Variants in SYPL1 observed in about 807,000 individuals in gnomAD.
SYPL1 encodes the protein synaptophysin like 1.
SYPL1 carries 6 observed loss-of-function variants against 23.7 expected under a neutral mutation model. That is an observed-to-expected ratio of 0.25 (90% confidence interval 0.14 to 0.50). The LOEUF is 0.50. Among genes scored for constraint, SYPL1 ranks in the 20% least tolerant of loss-of-function variants. SYPL1 has a pLI of 0.98. For missense variants in SYPL1, 253 were observed against 288.9 expected (o/e 0.88, Z 0.90); for synonymous variants, 102 against 104.5 (o/e 0.98, Z 0.15).
rs1329163068 is a variant in SYPL1, at chr7:106,104,198, A to T, written c.70-4916T>A. 1.3e-5 allele frequency among the ~76,000 whole-genome samples: 2 copies of T among 152,166 alleles called. No homozygotes were observed. Among genetic ancestry groups the T allele is most frequent in the Non-Finnish European group, 2.9e-5 (2 of 68,038 alleles). On this transcript the variant is annotated intron_variant, in intron 1 of 4. Transcript: ENST00000455385. This position sits in a 1 kb window ranked among gnomAD's most constrained non-coding sequence, Gnocchi z 4.1. ...TTGAGCTATCATAGACATTAACTCT[A>T]TTATATATGAACTCTACTATAGGCA...
chr7:106,102,481 C>T (rs1840380550), intron 1 of SYPL1, among the ~76,000 whole-genome samples: 1 of 152,164 alleles, frequency 6.6e-6, no homozygotes, highest in South Asian at 2.1e-4. Context: ...TGGGAGGATA[C>T]TCAGGCAACT....
Position 106,109,931 on chromosome 7 carries a change from G to C in SYPL1, c.69+2209C>G, listed in dbSNP as rs1032530283. Among the ~76,000 whole-genome samples the C allele has an allele frequency of 6.6e-6, 1 of 152,086 alleles. No individual in the cohort carries two copies. The highest frequency in any genetic ancestry group is 2.4e-5 in the African/African-American group (1 of 41,400). Reference sequence around the variant, plus strand: ...GAAATTTTCATTTTGTCGGCAGTTAGAGGGATGGATTGGAAAGGTCAGAAT... The same window carrying C: ...GAAATTTTCATTTTGTCGGCAGTTACAGGGATGGATTGGAAAGGTCAGAAT... On this transcript the variant is annotated intron_variant, in intron 1 of 4. Transcript: ENST00000455385. The surrounding 1 kb of genome is among the most constrained non-coding windows in gnomAD (Gnocchi z 4.3).
chr7:106,092,920 G>T (rs749782566), intron 4 of SYPL1, 29 bp downstream of exon 4: 13 of 1,484,890 alleles, frequency 8.8e-6, no homozygotes, highest in Middle Eastern at 1.8e-4. Context: ...ATATATGAAA[G>T]AAAAAAATTA....
In SYPL1 at chr7:106,097,911, T is replaced by A; in HGVS notation, c.195-14A>T. 2.5e-6 allele frequency: 4 copies of A among 1,601,426 alleles called. No homozygotes were observed. The highest frequency in any genetic ancestry group is 3.4e-6 in the Non-Finnish European group (4 of 1,171,148). Reference sequence around the variant, plus strand: ...GCCTCATTCAACCTATTAAAATAAATGTATGAATTATTGGACTTTCCCAAC... The same window carrying A: ...GCCTCATTCAACCTATTAAAATAAAAGTATGAATTATTGGACTTTCCCAAC... On this transcript the variant is annotated splice_polypyrimidine_tract_variant and intron_variant, in intron 2 of 4. Coordinates refer to ENST00000455385, the MANE Select transcript of SYPL1 (RefSeq NM_182715.4). This position sits in a 1 kb window ranked among gnomAD's most constrained non-coding sequence, Gnocchi z 4.6.
At chr7:106,112,069 G>A (rs1790186044) in intron 1 of SYPL1, 71 bp downstream of exon 1, 4 of 1,276,306 alleles carry the variant, frequency 3.1e-6, no homozygotes, top group East Asian at 3.5e-5. Flanking sequence ...CCGGCTCGCA[G>A]GTCCCCGTCT....
rs2116095594 is a variant in SYPL1 at position 106,096,046 on chromosome 7, G to A, written c.402+1644C>T. On this transcript the variant is annotated intron_variant, in intron 3 of 4. Coordinates refer to ENST00000455385, the MANE Select transcript of SYPL1 (RefSeq NM_182715.4). The surrounding 1 kb of genome is among the most constrained non-coding windows in gnomAD (Gnocchi z 4.4). ...GCAAGAAATAGCTTCTAGTTATAAA[G>A]AATTTTAACAAAATATAATTATCTA... Among the ~76,000 whole-genome samples, 1 of 152,246 alleles carries A rather than the reference G, an allele frequency of 6.6e-6. No individual in the cohort carries two copies.
At position 106,104,001 on chromosome 7, in the gene SYPL1, C is replaced by T. The variant is rs901244450; in HGVS notation, c.70-4719G>A. Among the ~76,000 whole-genome samples the T allele has an allele frequency of 2.2e-4, 33 of 152,226 alleles. No homozygotes were observed. Among genetic ancestry groups the T allele is most frequent in the African/African-American group, 7.7e-4 (32 of 41,440 alleles). On this transcript the variant is annotated intron_variant, in intron 1 of 4. Coordinates refer to ENST00000455385, the MANE Select transcript of SYPL1 (RefSeq NM_182715.4). This position sits in a 1 kb window ranked among gnomAD's most constrained non-coding sequence, Gnocchi z 4.1. Reference sequence around the variant, plus strand: ...GATAGATTTATCTGCAGTCTATTCACTGCCAGGTACTGTATGATTCTGTCA... The same window carrying T: ...GATAGATTTATCTGCAGTCTATTCATTGCCAGGTACTGTATGATTCTGTCA...
In SYPL1 at chr7:106,096,905, C is replaced by T. The variant is rs189622324; in HGVS notation, c.402+785G>A. On this transcript the variant is annotated intron_variant, in intron 3 of 4. Coordinates refer to ENST00000455385, the MANE Select transcript of SYPL1 (RefSeq NM_182715.4). This position sits in a 1 kb window ranked among gnomAD's most constrained non-coding sequence, Gnocchi z 4.4. ...GTAAATGATTGTGTATGGCTGAGTT[C>T]CAAAAAAAACCTTTATTTAAAAAAA... is the stretch of plus-strand genomic sequence containing the variant. Among the ~76,000 whole-genome samples, 1 of 152,160 alleles carries T rather than the reference C, an allele frequency of 6.6e-6. No homozygotes were observed. Among genetic ancestry groups the T allele is most frequent in the Non-Finnish European group, 1.5e-5 (1 of 67,988 alleles).
intron 4 of SYPL1, 116 bp from the exon 5 acceptor site, chr7:106,092,055 A>T: frequency 9.8e-7 from 1 of 1,019,682 alleles, no homozygotes; most frequent in Admixed American, 2.9e-5. Context: ...GTACGCCATT[A>T]TTTCACTTAA....
rs1839986560 is a variant in SYPL1, at chr7:106,095,730, A to G, written c.402+1960T>C. 6.6e-6 allele frequency among the ~76,000 whole-genome samples: 1 copy of G among 152,238 alleles called. No individual in the cohort carries two copies. Among genetic ancestry groups the G allele is most frequent in the Non-Finnish European group, 1.5e-5 (1 of 68,048 alleles). On this transcript the variant is annotated intron_variant, in intron 3 of 4. Transcript: ENST00000455385. The surrounding 1 kb of genome is among the most constrained non-coding windows in gnomAD (Gnocchi z 4.3). ...AATTAAATTTAGAAGCTAGACTTTT[A>G]TAGACAAGAAGCACCCATTATGTAA...
rs896196461 is a variant in SYPL1, at chr7:106,095,737, A to G, written c.402+1953T>C. ...TTTAGAAGCTAGACTTTTATAGACA[A>G]GAAGCACCCATTATGTAACAATAAA... On this transcript the variant is annotated intron_variant, in intron 3 of 4. Coordinates refer to ENST00000455385, the MANE Select transcript of SYPL1 (RefSeq NM_182715.4). This position sits in a 1 kb window ranked among gnomAD's most constrained non-coding sequence, Gnocchi z 4.3. 2.0e-5 allele frequency among the ~76,000 whole-genome samples: 3 copies of G among 152,348 alleles called. No homozygotes were observed. Among genetic ancestry groups the G allele is most frequent in the Non-Finnish European group, 2.9e-5 (2 of 68,036 alleles).
chr7:106,111,604 G>A (rs894803960), intron 1 of SYPL1, among the ~76,000 whole-genome samples: 1 of 152,218 alleles, frequency 6.6e-6, no homozygotes, highest in Non-Finnish European at 1.5e-5. Context: ...CTGGCCCACA[G>A]TTTATTTTTT....
At chr7:106,099,311 AAG>A in intron 1 of SYPL1, 29 bp from the exon 2 acceptor site, 1 of 1,589,684 alleles carries the variant, frequency 6.3e-7, no homozygotes, top group South Asian at 1.2e-5. Flanking sequence ...AAAAAGACAA[AAG>A]AAAAAAAAGA....
chr7:106,112,513 T>C (rs536071079), upstream of SYPL1: 108 of 1,524,124 alleles, frequency 7.1e-5, no homozygotes, highest in South Asian at 1.1e-3. Flanking sequence ...GCGAACCAAG[T>C]AGATGTTGGG....
chr7:106,098,078 T>C (rs1322568174), intron 2 of SYPL1, among the ~76,000 whole-genome samples, 181 bp from the exon 3 acceptor site: 6 of 152,244 alleles, frequency 3.9e-5, no homozygotes, highest in Non-Finnish European at 1.5e-5. Context: ...TAAATGTATA[T>C]GTTATACCTG....
chr7:106,112,339 G>GC, upstream of SYPL1: 1 of 1,254,462 alleles, frequency 8.0e-7, no homozygotes, highest in Non-Finnish European at 1.0e-6. Context: ...GGCGGGCCCG[G>GC]GCGGCCGTGG....
rs544449714 is a variant in SYPL1 at position 106,100,793 on chromosome 7, A to C, written c.70-1511T>G. ...GCCAAGACAATCTTTTAAAAATGTA[A>C]GGCAGAAAATGTTATCCTTTGCTCA... On this transcript the variant is annotated intron_variant, in intron 1 of 4. Transcript: ENST00000455385. The surrounding 1 kb of genome is among the most constrained non-coding windows in gnomAD (Gnocchi z 5.1). 3.3e-5 allele frequency among the ~76,000 whole-genome samples: 5 copies of C among 152,302 alleles called. No homozygotes were observed. The highest frequency in any genetic ancestry group is 9.6e-5 in the African/African-American group (4 of 41,570).
intron 3 of SYPL1, among the ~76,000 whole-genome samples, chr7:106,094,891 A>C (rs564072870): frequency 6.6e-6 from 1 of 152,090 alleles, no homozygotes; most frequent in African/African-American, 2.4e-5. Context: ...ACCTAGGTTG[A>C]AGGAACGTGG....
chr7:106,091,673 C>G lies in SYPL1; in HGVS notation c.*132G>C, dbSNP rs1003063267. On this transcript the variant is annotated 3_prime_UTR_variant, in exon 5 of 5. Coordinates refer to ENST00000455385, the MANE Select transcript of SYPL1 (RefSeq NM_182715.4). This position sits in a 1 kb window ranked among gnomAD's most constrained non-coding sequence, Gnocchi z 5.0. ...AAGGCACAGGCTTTATGTAAAAAAG[C>G]AGCAAAGTTTTAAACCCACCAATAT... 4.3e-6 allele frequency: 4 copies of G among 932,414 alleles called. No homozygotes were observed. Among genetic ancestry groups the G allele is most frequent in the African/African-American group, 1.7e-5 (1 of 59,142 alleles). The allele number at this position is 932,414 out of a possible 1,614,324, so 57.8% of individuals were successfully genotyped here.
Sources: gnomAD v4.1 joint callset for allele counts (sites outside exome capture counted in the v4.1 genomes callset) on GRCh38, gnomAD v4.1.1 for gene constraint, Gnocchi (gnomAD v3.1) non-coding constraint, MANE v1.5 for transcripts, NCBI Gene and HGNC (gene_info 2026-07-23, HGNC 2026-07-21) for gene names.